KDM3A: variants seen among roughly 807,000 people sequenced by gnomAD.
KDM3A encodes lysine demethylase 3A.
In KDM3A, 60 loss-of-function variants were observed where a neutral mutation model predicts 158.0. The observed-to-expected ratio is 0.38, with a 90% CI of 0.31 to 0.47. KDM3A has a LOEUF of 0.47. Ranked by LOEUF, KDM3A falls within the 20% of genes least tolerant of loss-of-function variation. KDM3A has a pLI of 0.99. For missense variants in KDM3A, 1,319 were observed against 1,574.3 expected (o/e 0.84, Z 2.74); for synonymous variants, 608 against 549.3 (o/e 1.11, Z -1.49).
rs1673953515 is a variant in KDM3A at position 86,482,004 on chromosome 2, A to G, written c.2587A>G (p.Ser863Gly). ...LPPLPPLSKS[S>G]TVLHTFNSTI... ...ACCCCTCCCACCTTTAAGCAAATCCAGCACAGTCCTCCATACGTTTAACAG... is the reference window on the plus strand; with the variant it reads ...ACCCCTCCCACCTTTAAGCAAATCCGGCACAGTCCTCCATACGTTTAACAG... The change falls in exon 17 of 26, where the codon AGC becomes GGC. Residue 863 changes from serine to glycine, a missense_variant. Transcript: ENST00000312912. 2 of 1,614,110 alleles carry G rather than the reference A, an allele frequency of 1.2e-6. No homozygotes were observed. Among genetic ancestry groups the G allele is most frequent in the Non-Finnish European group, 8.5e-7 (1 of 1,179,932 alleles).
At chr2:86,469,577 G>C (rs1228831727) in intron 10 of KDM3A, among the ~76,000 whole-genome samples, 3 of 152,138 alleles carry the variant, frequency 2.0e-5, no homozygotes, top group Non-Finnish European at 4.4e-5. Context: ...CATTTACTTA[G>C]AATGATAATC....
Position 86,464,169 on chromosome 2 carries a change from C to G in KDM3A, c.960C>G (p.Pro320=). ...AGGACCCAAGACAGCAAAGTACTCC[C>G]CAGGCTGCCAACTCTCCACCTAACC... The part of the protein sequence containing the change: ...PSKDPRQQST[P]QAANSPPNLG... Residue 320 remains proline (P), a synonymous_variant, in exon 9 of 26, where the codon CCC becomes CCG. Coordinates refer to ENST00000312912, the MANE Select transcript of KDM3A (RefSeq NM_018433.6). 1 of 1,611,488 alleles carries G rather than the reference C, an allele frequency of 6.2e-7. No individual in the cohort carries two copies. The highest frequency in any genetic ancestry group is 1.3e-5 in the African/African-American group (1 of 74,940).
intron 2 of KDM3A, among the ~76,000 whole-genome samples, chr2:86,444,281 G>T (rs901475224): frequency 3.3e-5 from 5 of 152,190 alleles, no homozygotes; most frequent in Admixed American, 2.6e-4. Context: ...GCACTTTGGT[G>T]CCTAACCTGA....
intron 21 of KDM3A, chr2:86,486,820 G>C: frequency 6.6e-6 from 1 of 152,298 alleles, no homozygotes; most frequent in East Asian, 1.9e-4. Context: ...GTGTAGTTGG[G>C]GACTGTTGTG....
chr2:86,439,591 TATTTA>T (rs2104608647), upstream of KDM3A, among the ~76,000 whole-genome samples: 1 of 152,258 alleles, frequency 6.6e-6, no homozygotes, highest in East Asian at 1.9e-4. Flanking sequence ...TTCAAATTAA[TATTTA>T]ATTACATAAT....
intron 11 of KDM3A, among the ~76,000 whole-genome samples, chr2:86,474,347 G>A (rs995693929): frequency 4.6e-5 from 7 of 152,166 alleles, no homozygotes; most frequent in African/African-American, 1.7e-4. Context: ...AACTAGGAAG[G>A]ACTTTGTTGA....
chr2:86,459,203 T>A (rs1672826273), intron 8 of KDM3A, among the ~76,000 whole-genome samples: 1 of 152,130 alleles, frequency 6.6e-6, no homozygotes, highest in South Asian at 2.1e-4. Context: ...TAGGGGTCCC[T>A]GGTCTAGAAG....
chr2:86,479,941 G>A, intron 15 of KDM3A: 1 of 553,334 alleles, frequency 1.8e-6, no homozygotes, highest in Admixed American at 3.1e-5. Context: ...AAGGGTGCGG[G>A]GGGTAATACC....
chr2:86,456,412 T>C, intron 5 of KDM3A, 30 bp from the exon 6 acceptor site: 2 of 1,301,416 alleles, frequency 1.5e-6, no homozygotes, highest in Middle Eastern at 2.7e-4. Context: ...CAAATTGCTC[T>C]AAGATTTTTT....
chr2:86,458,220 A>T (rs1387821741), intron 8 of KDM3A, among the ~76,000 whole-genome samples: 1 of 152,130 alleles, frequency 6.6e-6, no homozygotes, highest in Non-Finnish European at 1.5e-5. Context: ...CCACACAAAC[A>T]CTTGAGTCTG....
At chr2:86,456,410 T>C in intron 5 of KDM3A, 32 bp from the exon 6 acceptor site, 1 of 1,357,024 alleles carries the variant, frequency 7.4e-7, no homozygotes, top group Non-Finnish European at 9.8e-7. Flanking sequence ...TGCAAATTGC[T>C]CTAAGATTTT....
At chr2:86,452,602 A>T (rs571220770) in intron 4 of KDM3A, among the ~76,000 whole-genome samples, 1 of 152,182 alleles carries the variant, frequency 6.6e-6, no homozygotes, top group Non-Finnish European at 1.5e-5. Flanking sequence ...CATCTTTTAG[A>T]TATCATTTAT....
At chr2:86,469,924 T>A (rs1673325669) in intron 10 of KDM3A, among the ~76,000 whole-genome samples, 1 of 152,194 alleles carries the variant, frequency 6.6e-6, no homozygotes, top group Non-Finnish European at 1.5e-5. Flanking sequence ...AATAGAAGTA[T>A]ACATTAACTT....
intron 8 of KDM3A, among the ~76,000 whole-genome samples, chr2:86,463,783 T>C (rs147337309): frequency 8.5e-5 from 13 of 152,340 alleles, no homozygotes; most frequent in African/African-American, 2.6e-4. Context: ...CTGACTGTTT[T>C]CCTGGCACAG....
rs1673579063 is a variant in KDM3A at position 86,474,702 on chromosome 2, TGTGTGTGTGTGTGTGTGTGTGTGTG to T, written c.1725-73_1725-49del. 81 of 401,152 alleles carry T rather than the reference TGTGTGTGTGTGTGTGTGTGTGTGTG, an allele frequency of 2.0e-4. 1 individual carries two copies. The highest frequency in any genetic ancestry group is 1.8e-3 in the South Asian group (77 of 42,146). The allele number at this position is 401,152 out of a possible 1,614,324, so 24.8% of individuals were successfully genotyped here. On this transcript the variant is annotated intron_variant, in intron 11 of 25. Transcript: ENST00000312912. ...AAGTAATTACAAGTTGTAAATAAGT[TGTGTGTGTGTGTGTGTGTGTGTGTG>T]TGTGTGTGTGTGTGTACATTACATC...
chr2:86,447,087 C>T (rs1371166400), intron 2 of KDM3A, among the ~76,000 whole-genome samples: 1 of 152,198 alleles, frequency 6.6e-6, no homozygotes, highest in African/African-American at 2.4e-5. Context: ...GCCGGGATTA[C>T]AGGTGTGAGT....
At chr2:86,491,363 T>G in intron 25 of KDM3A, 88 bp downstream of exon 25, 2 of 1,392,016 alleles carry the variant, frequency 1.4e-6, no homozygotes, top group Non-Finnish European at 2.0e-6. Context: ...GTCAGTGAAC[T>G]TGGCCATATC....
chr2:86,440,179 A>G (rs938294699), upstream of KDM3A, among the ~76,000 whole-genome samples: 4 of 53,326 alleles, frequency 7.5e-5, no homozygotes, highest in African/African-American at 1.3e-4. Context: ...TATAAATCCA[A>G]TTTAATTCTT....
rs879559523 is a variant in KDM3A, at chr2:86,451,151, G to A, written c.391G>A (p.Val131Ile). The change falls in exon 4 of 26, where the codon GTT becomes ATT. Residue 131 changes from valine to isoleucine, a missense_variant. This residue lies in a region of KDM3A where 652 missense variants were observed against 627.2 expected (regional missense o/e 1.04). Coordinates refer to ENST00000312912, the MANE Select transcript of KDM3A (RefSeq NM_018433.6). ...AGCTGGTTTGGGATCCATAACTTCTGTTCGCTTTCTGGGAGATCAACAAAG... is the reference window on the plus strand; with the variant it reads ...AGCTGGTTTGGGATCCATAACTTCTATTCGCTTTCTGGGAGATCAACAAAG... The part of the protein sequence containing the change: ...DKAGLGSITS[V>I]RFLGDQQRVF... 6.2e-7 allele frequency: 1 copy of A among 1,612,080 alleles called. No individual in the cohort carries two copies. The highest frequency in any genetic ancestry group is 8.5e-7 in the Non-Finnish European group (1 of 1,179,432).
Sources: allele counts gnomAD v4.1 joint callset (sites outside exome capture counted in the v4.1 genomes callset), GRCh38; gene constraint gnomAD v4.1.1; regional missense constraint gnomAD v4.1.1; transcripts MANE v1.5; gene names NCBI Gene and HGNC (gene_info 2026-07-23, HGNC 2026-07-21).